Variants in IRS2 observed in about 807,000 individuals in gnomAD.
IRS2 encodes insulin receptor substrate 2.
A neutral mutation model predicts 70.9 loss-of-function variants in IRS2; 28 were observed. That is an observed-to-expected ratio of 0.39 (90% CI 0.29 to 0.54). The LOEUF (loss-of-function observed/expected upper bound fraction) is 0.54, where lower values mean the gene tolerates loss of function less well. IRS2 is among the 20% of genes least tolerant of loss of function. IRS2 has a pLI of 0.59. For synonymous variants in IRS2, 1,217 were observed against 981.9 expected, an observed-to-expected ratio of 1.24 and a Z score of -4.48; for missense variants, 2,081 against 2,024.1, an observed-to-expected ratio of 1.03 and a Z score of -0.54.
chr13:109,782,403 G>T lies in IRS2; in HGVS notation c.3651C>A (p.Gly1217=). 1 of 1,604,562 alleles carries T rather than the reference G, an allele frequency of 6.2e-7. No homozygotes were observed. Residue 1217 remains glycine, a synonymous_variant, in exon 1 of 2, where the codon GGC becomes GGA. Coordinates refer to ENST00000375856, the MANE Select transcript of IRS2 (RefSeq NM_003749.3). The part of the protein sequence containing the change: ...LQPAPPLAPQ[G]RPWTPGQPGG... ...CGGGCTGACCCGGGGTCCACGGCCG[G>T]CCCTGCGGTGCCAAAGGGGGCGCCG...
chr13:109,773,159 C>T (rs2138921455), intron 1 of IRS2, among the ~76,000 whole-genome samples: 1 of 151,340 alleles, frequency 6.6e-6, no homozygotes, highest in South Asian at 2.1e-4. Context: ...TATAAAAATC[C>T]AGCTAAATGA....
chr13:109,784,361 G>T lies in IRS2; in HGVS notation c.1693C>A (p.Gln565Lys). Residue 565 changes from glutamine to lysine, a missense_variant, in exon 1 of 2, where the codon CAG (glutamine) becomes AAG (lysine). Gln to Lys is a moderately conservative substitution (Grantham distance 53). This residue lies in a region of IRS2 where 1,615 missense variants were observed against 1,459.5 expected (regional missense o/e 1.11). Coordinates refer to ENST00000375856, the MANE Select transcript of IRS2 (RefSeq NM_003749.3). This position sits in a 1 kb window ranked among gnomAD's most constrained non-coding sequence, Gnocchi z 5.2. ...SYRRVSGDAA[Q>K]DLDRGLRKRT... is the part of the protein sequence containing the mutation. ...TTGCGCAGCCCTCGGTCCAGGTCCTGGGCCGCGTCCCCCGAGACCCGGCGG... is the reference window on the plus strand; with the variant it reads ...TTGCGCAGCCCTCGGTCCAGGTCCTTGGCCGCGTCCCCCGAGACCCGGCGG... 2 of 1,609,590 alleles carry T rather than the reference G, an allele frequency of 1.2e-6. No individual in the cohort carries two copies. Among genetic ancestry groups the T allele is most frequent in the African/African-American group, 1.3e-5 (1 of 75,016 alleles).
At position 109,754,024 on chromosome 13, in the gene IRS2, C is replaced by T. The variant is rs995151172; in HGVS notation, c.*2280G>A. ...GAGCAAGATAAGTTAAGTCTCTTGT[C>T]ATATCACAATAGCAAGAAATATATT... On this transcript the variant is annotated 3_prime_UTR_variant, in exon 2 of 2. Transcript: ENST00000375856. 2 of 230,972 alleles carry T rather than the reference C, an allele frequency of 8.7e-6. No individual in the cohort carries two copies. Among genetic ancestry groups the T allele is most frequent in the Non-Finnish European group, 1.7e-5 (2 of 116,568 alleles). The allele number at this position is 230,972 out of a possible 1,614,324, so 14.3% of individuals were successfully genotyped here.
intron 1 of IRS2, among the ~76,000 whole-genome samples, chr13:109,768,271 A>G (rs1877378782): frequency 6.6e-6 from 1 of 152,226 alleles, no homozygotes; most frequent in East Asian, 1.9e-4. Flanking sequence ...CTAAATTCTG[A>G]AGATAGACCT....
intron 1 of IRS2, among the ~76,000 whole-genome samples, chr13:109,767,207 C>T (rs1408190868): frequency 2.6e-5 from 4 of 152,116 alleles, no homozygotes; most frequent in Non-Finnish European, 4.4e-5. Context: ...GCTCCTGCCT[C>T]TCAGGCCCAG....
chr13:109,757,640 C>T (rs1170861938), intron 1 of IRS2, among the ~76,000 whole-genome samples: 1 of 152,144 alleles, frequency 6.6e-6, no homozygotes, highest in African/African-American at 2.4e-5. Context: ...AAATTCCCTA[C>T]AACGCGACAT....
intron 1 of IRS2, among the ~76,000 whole-genome samples, chr13:109,780,644 TC>T (rs1877675546): frequency 6.6e-6 from 1 of 152,156 alleles, no homozygotes; most frequent in African/African-American, 2.4e-5. Context: ...ACTAAACTGG[TC>T]TATTTAAGAA....
chr13:109,769,604 T>C (rs1421769059), intron 1 of IRS2, among the ~76,000 whole-genome samples: 1 of 152,220 alleles, frequency 6.6e-6, no homozygotes, highest in Non-Finnish European at 1.5e-5. Flanking sequence ...CTCCCTTCCC[T>C]GCTTCATTGC....
chr13:109,759,552 G>A (rs994309007), intron 1 of IRS2, among the ~76,000 whole-genome samples: 1 of 151,892 alleles, frequency 6.6e-6, no homozygotes, highest in Non-Finnish European at 1.5e-5. Context: ...AAGAATTTAT[G>A]GTGGAAAAAA....
In IRS2 at chr13:109,784,066, G is replaced by A. The variant is rs868142479; in HGVS notation, c.1988C>T (p.Ala663Val). Reference protein sequence around the residue: ...YMPMTPGAALAGSGSGSCRSD... With the variant: ...YMPMTPGAALVGSGSGSCRSD... ...CCTGCAGCTGCCGCTCCCACTGCCC[G>A]CGAGGGCCGCGCCGGGCGTCATGGG... is the stretch of plus-strand genomic sequence containing the variant. Residue 663 changes from alanine (A) to valine (V), a missense_variant, in exon 1 of 2, where the codon GCG becomes GTG. By Grantham distance (64) the Ala-to-Val change is moderately conservative. Coordinates refer to ENST00000375856, the MANE Select transcript of IRS2 (RefSeq NM_003749.3). The surrounding 1 kb of genome is among the most constrained non-coding windows in gnomAD (Gnocchi z 5.2). The A allele has an allele frequency of 1.0e-5, 16 of 1,564,066 alleles. 1 individual carries two copies. The highest frequency in any genetic ancestry group is 6.7e-5 in the African/African-American group (5 of 74,362).
rs1227816570 is a variant in IRS2, at chr13:109,765,475, G to T, written c.4013-9167C>A. On this transcript the variant is annotated intron_variant, in intron 1 of 1. Coordinates refer to ENST00000375856, the MANE Select transcript of IRS2 (RefSeq NM_003749.3). ...CCCCACCAAGCATGTAGATATCCCA[G>T]CCTCATCCACCCTGACTCCAACTCC... is the stretch of plus-strand genomic sequence containing the variant. 8.3e-5 allele frequency among the ~76,000 whole-genome samples: 12 copies of T among 144,596 alleles called. No individual in the cohort carries two copies. In the South Asian group the frequency reaches 2.7e-3, roughly 33 times the overall value. The allele number at this position is 144,596 out of a possible 152,430, so 94.9% of individuals were successfully genotyped here.
In IRS2 at chr13:109,783,771, C is replaced by T. The variant is rs780182912; in HGVS notation, c.2283G>A (p.Leu761=). ...LSMEHADGKL[L]PNGDYLNVSP... ...ACACGTTGAGGTAGTCCCCGTTGGG[C>T]AGCAGCTTGCCATCTGCATGCTCCA... The change falls in exon 1 of 2, where the codon CTG becomes CTA. Residue 761 remains leucine (L), a synonymous_variant. Transcript: ENST00000375856. 1.3e-6 allele frequency: 2 copies of T among 1,596,948 alleles called. 1 individual carries two copies. Among genetic ancestry groups the T allele is most frequent in the South Asian group, 2.3e-5 (2 of 88,734 alleles).
In IRS2 at chr13:109,778,460, C is replaced by A. The variant is rs149230016; in HGVS notation, c.4012+3582G>T. The stretch of plus-strand genomic sequence containing the variant: ...TTAGCACCTTAGTTGTCTGCTCCTG[C>A]GAATAGGGCAGCAGCAGTGCACGCT... On this transcript the variant is annotated intron_variant, in intron 1 of 1. Coordinates refer to ENST00000375856, the MANE Select transcript of IRS2 (RefSeq NM_003749.3). Among the ~76,000 whole-genome samples the A allele has an allele frequency of 1.9e-3, 285 of 152,264 alleles. 4 individuals carry two copies. The highest frequency in any genetic ancestry group is 3.4e-3 in the Non-Finnish European group (228 of 68,026).
chr13:109,756,614 A>G (rs1028576716), intron 1 of IRS2, among the ~76,000 whole-genome samples: 14 of 152,286 alleles, frequency 9.2e-5, no homozygotes, highest in African/African-American at 3.4e-4. Context: ...AACAAGATAG[A>G]AAAAGAAGGG....
chr13:109,764,934 G>A (rs1328306620), intron 1 of IRS2, among the ~76,000 whole-genome samples: 1 of 152,212 alleles, frequency 6.6e-6, no homozygotes, highest in Non-Finnish European at 1.5e-5. Context: ...GCCATTTAAA[G>A]CTGCAAAGAG....
At position 109,785,385 on chromosome 13, in the gene IRS2, C is replaced by T; in HGVS notation, c.669G>A (p.Ala223=). The change falls in exon 1 of 2, where the codon GCG becomes GCA. Residue 223 remains alanine (A), a synonymous_variant. Transcript: ENST00000375856. This position sits in a 1 kb window ranked among gnomAD's most constrained non-coding sequence, Gnocchi z 9.3. ...LTGVYRLCLS[A]RTIGFVKLNC... is the part of the protein sequence containing the mutation. ...TGAGCTTCACGAAGCCGATGGTGCG[C>T]GCAGACAGGCACAGACGGTACACCC... The T allele has an allele frequency of 7.4e-6, 12 of 1,612,504 alleles. No homozygotes were observed. The highest frequency in any genetic ancestry group is 1.0e-5 in the Non-Finnish European group (12 of 1,179,900).
intron 1 of IRS2, among the ~76,000 whole-genome samples, chr13:109,758,255 A>C (rs1027501974): frequency 2.7e-5 from 3 of 109,676 alleles, no homozygotes; most frequent in African/African-American, 8.9e-5. Context: ...TGAGACCCTG[A>C]TTTGGGAAGA....
intron 1 of IRS2, among the ~76,000 whole-genome samples, chr13:109,777,788 T>C (rs926525779): frequency 1.3e-5 from 2 of 152,232 alleles, no homozygotes; most frequent in African/African-American, 2.4e-5. Context: ...AGTCTTAACA[T>C]AGTTTCAGGA....
At chr13:109,777,306 A>T (rs1279213018) in intron 1 of IRS2, among the ~76,000 whole-genome samples, 1 of 152,192 alleles carries the variant, frequency 6.6e-6, no homozygotes, top group African/African-American at 2.4e-5. Context: ...GCCAAATCTG[A>T]TACCAAAATT....
Sources: gnomAD v4.1 joint callset for allele counts (sites outside exome capture counted in the v4.1 genomes callset) on GRCh38, gnomAD v4.1.1 for gene constraint, gnomAD v4.1.1 regional missense constraint, Gnocchi (gnomAD v3.1) non-coding constraint, MANE v1.5 for transcripts, NCBI Gene and HGNC (gene_info 2026-07-23, HGNC 2026-07-21) for gene names.